The following RALGPS1 variants were observed in gnomAD, a reference collection of about 807,000 sequenced individuals.
The protein encoded by RALGPS1 is Ral GEF with PH domain and SH3 binding motif 1, also known as ras-specific guanine nucleotide-releasing factor RalGPS1.
Under a neutral mutation model 78.8 loss-of-function variants are expected in RALGPS1, and 19 were observed. The ratio of observed to expected loss-of-function variants is 0.24; its 90% CI spans 0.17 to 0.35. RALGPS1 has a LOEUF of 0.35. Ranked by LOEUF, RALGPS1 falls within the 10% of genes least tolerant of loss-of-function variation. RALGPS1 has a pLI of 1.00. For synonymous variants in RALGPS1, 228 were observed against 256.3 expected, an observed-to-expected ratio of 0.89 and a Z score of 1.06; for missense variants, 454 against 688.3, an observed-to-expected ratio of 0.66 and a Z score of 3.81.
At chr9:127,215,867 G>C (rs2062549815) in intron 18 of RALGPS1, among the ~76,000 whole-genome samples, 1 of 152,228 alleles carries the variant, frequency 6.6e-6, no homozygotes. Context: ...GAGGAGCGGG[G>C]GAAGCAGGAG....
chr9:127,099,683 A>G (rs1339656349), intron 8 of RALGPS1, among the ~76,000 whole-genome samples: 2 of 152,236 alleles, frequency 1.3e-5, no homozygotes, highest in African/African-American at 2.4e-5. Context: ...CTGGTTATGG[A>G]TGTATATATA....
At chr9:127,137,156 T>A (rs920945344) in intron 8 of RALGPS1, among the ~76,000 whole-genome samples, 5 of 152,212 alleles carry the variant, frequency 3.3e-5, no homozygotes, top group Non-Finnish European at 7.3e-5. Flanking sequence ...ATGGCTGTTC[T>A]TTTTGCCCAT....
chr9:126,999,132 C>G (rs1339071670), intron 4 of RALGPS1, among the ~76,000 whole-genome samples: 1 of 151,354 alleles, frequency 6.6e-6, no homozygotes, highest in Admixed American at 6.6e-5. Context: ...CAAACCTGCA[C>G]GTTGTGCACA....
intron 14 of RALGPS1, among the ~76,000 whole-genome samples, chr9:127,203,683 TA>T (rs965586609): frequency 2.0e-5 from 3 of 152,162 alleles, no homozygotes; most frequent in Non-Finnish European, 4.4e-5. Context: ...CTCAGAGTCT[TA>T]AATAAGTCCT....
intron 1 of RALGPS1, among the ~76,000 whole-genome samples, chr9:126,937,984 C>T (rs2036415443): frequency 6.6e-6 from 1 of 152,164 alleles, no homozygotes; most frequent in Non-Finnish European, 1.5e-5. Context: ...TGCTCCTTTA[C>T]ATTACTGGTG....
intron 1 of RALGPS1, among the ~76,000 whole-genome samples, chr9:126,952,024 T>C (rs1389703733): frequency 6.6e-6 from 1 of 152,174 alleles, no homozygotes; most frequent in Non-Finnish European, 1.5e-5. Context: ...TATACACCAA[T>C]AACAAACAGA....
At chr9:126,945,291 C>G (rs1398481795) in intron 1 of RALGPS1, among the ~76,000 whole-genome samples, 1 of 152,114 alleles carries the variant, frequency 6.6e-6, no homozygotes, top group East Asian at 1.9e-4. Context: ...CTCCGCCTCC[C>G]TGGTTCAACC....
chr9:127,211,027 C>T lies in RALGPS1; in HGVS notation c.1248-1104C>T, dbSNP rs987206218. ...AGAGACTGGAAGAATGATAGGAATT[C>T]GCCAAATAATTGGAAGTGGAGGGGC... On this transcript the variant is annotated intron_variant, in intron 14 of 18. Transcript: ENST00000259351. This position sits in a 1 kb window ranked among gnomAD's most constrained non-coding sequence, Gnocchi z 5.0. Among the ~76,000 whole-genome samples, 2 of 152,260 alleles carry T rather than the reference C, an allele frequency of 1.3e-5. No individual in the cohort carries two copies. Among genetic ancestry groups the T allele is most frequent in the Non-Finnish European group, 2.9e-5 (2 of 68,024 alleles).
intron 8 of RALGPS1, among the ~76,000 whole-genome samples, chr9:127,123,036 G>C (rs1464756582): frequency 2.0e-5 from 3 of 152,260 alleles, no homozygotes; most frequent in Non-Finnish European, 2.9e-5. Flanking sequence ...GTGCAGCCGC[G>C]TGCGAGCAGC....
At chr9:127,085,887 A>G (rs563682532) in intron 8 of RALGPS1, among the ~76,000 whole-genome samples, 5 of 152,246 alleles carry the variant, frequency 3.3e-5, no homozygotes, top group South Asian at 2.1e-4. Context: ...ATTTTCCTCA[A>G]ATAGCATTCA....
intron 8 of RALGPS1, among the ~76,000 whole-genome samples, chr9:127,161,295 A>G (rs1702804534): frequency 6.6e-6 from 1 of 152,214 alleles, no homozygotes; most frequent in Non-Finnish European, 1.5e-5. Flanking sequence ...CCGTAAGGTC[A>G]GCTCAGCTTC....
Position 126,971,355 on chromosome 9 carries a change from A to G in RALGPS1, c.165+5404A>G, listed in dbSNP as rs552666544. Among the ~76,000 whole-genome samples the G allele has an allele frequency of 4.0e-5, 6 of 148,594 alleles. 1 individual carries two copies. In the South Asian group the frequency reaches 1.4e-3, roughly 35 times the overall value. Reference sequence around the variant, plus strand: ...AGAATGTCAACCCTAAATGGTCAATACTAAAGACATATTTTTTTTTTTACA... The same window carrying G: ...AGAATGTCAACCCTAAATGGTCAATGCTAAAGACATATTTTTTTTTTTACA... On this transcript the variant is annotated intron_variant, in intron 3 of 18. Transcript: ENST00000259351.
intron 4 of RALGPS1, among the ~76,000 whole-genome samples, chr9:127,031,083 G>C (rs1352514444): frequency 6.6e-6 from 1 of 152,142 alleles, no homozygotes; most frequent in Non-Finnish European, 1.5e-5. Context: ...ACAGTCCCTG[G>C]GTAGCTCAGT....
At chr9:127,145,283 G>A (rs1157992108) in intron 8 of RALGPS1, among the ~76,000 whole-genome samples, 1 of 152,100 alleles carries the variant, frequency 6.6e-6, no homozygotes, top group African/African-American at 2.4e-5. Context: ...TCCGAGGGAG[G>A]TGCTCTTATT....
intron 8 of RALGPS1, among the ~76,000 whole-genome samples, chr9:127,135,859 A>G (rs946084): frequency 0.024 from 3,672 of 152,346 alleles, 138 homozygotes; most frequent in African/African-American, 0.084. Context: ...TTTGAATTGC[A>G]TTTGAGTCAA....
At chr9:127,011,725 G>A (rs2044364204) in intron 4 of RALGPS1, among the ~76,000 whole-genome samples, 1 of 152,100 alleles carries the variant, frequency 6.6e-6, no homozygotes, top group South Asian at 2.1e-4. Context: ...TAGGACCATA[G>A]GATTTTACAT....
At chr9:126,934,928 A>T (rs77496181) in intron 1 of RALGPS1, among the ~76,000 whole-genome samples, 1 of 152,194 alleles carries the variant, frequency 6.6e-6, no homozygotes, top group East Asian at 1.9e-4. Flanking sequence ...TGTGTGAGTT[A>T]TGTTTGGCCA....
At chr9:126,931,798 A>G (rs868616455) in intron 1 of RALGPS1, among the ~76,000 whole-genome samples, 1 of 152,252 alleles carries the variant, frequency 6.6e-6, no homozygotes, top group East Asian at 1.9e-4. Flanking sequence ...AATTTAAAAA[A>G]ATAACTTTTT....
At position 127,073,083 on chromosome 9, in the gene RALGPS1, G is replaced by A. The variant is rs141180627; in HGVS notation, c.610+3727G>A. Among the ~76,000 whole-genome samples, 81 of 152,186 alleles carry A rather than the reference G, an allele frequency of 5.3e-4. 2 individuals carry two copies. The highest frequency in any genetic ancestry group is 1.2e-3 in the South Asian group (6 of 4,806). ...TGAGTATTCATCATTTCTGTGTGTT[G>A]GGAACATTTCATGTCCTCTCTTTTA... On this transcript the variant is annotated intron_variant, in intron 8 of 18. Coordinates refer to ENST00000259351, the MANE Select transcript of RALGPS1 (RefSeq NM_014636.3).
Sources: gnomAD v4.1 joint callset for allele counts (sites outside exome capture counted in the v4.1 genomes callset) on GRCh38, gnomAD v4.1.1 for gene constraint, Gnocchi (gnomAD v3.1) non-coding constraint, MANE v1.5 for transcripts, NCBI Gene and HGNC (gene_info 2026-07-23, HGNC 2026-07-21) for gene names.